The following LMBR1 variants were observed in gnomAD, a reference collection of about 807,000 sequenced individuals.
LMBR1 encodes limb region 1 protein homolog.
A neutral mutation model predicts 73.9 loss-of-function variants in LMBR1; 52 were observed. That is an observed-to-expected ratio of 0.70 (90% CI 0.56 to 0.89). The LOEUF (loss-of-function observed/expected upper bound fraction) is 0.89, where lower values mean the gene tolerates loss of function less well. LMBR1 is among the 40% of genes least tolerant of loss of function. The pLI is 0.00. For synonymous variants in LMBR1, 215 were observed against 209.4 expected (o/e 1.03, Z -0.23); for missense variants, 539 against 579.8 (o/e 0.93, Z 0.72).
chr7:156,733,296 T>C (rs1817213533), intron 10 of LMBR1, among the ~76,000 whole-genome samples: 1 of 152,086 alleles, frequency 6.6e-6, no homozygotes, highest in Non-Finnish European at 1.5e-5. Context: ...CCAGTGATTA[T>C]GAGGTAAAAA....
At chr7:156,752,395 G>T (rs1821069170) in intron 9 of LMBR1, among the ~76,000 whole-genome samples, 1 of 152,150 alleles carries the variant, frequency 6.6e-6, no homozygotes. Context: ...CTGATGGAAA[G>T]GATACAGTTG....
In LMBR1 at chr7:156,773,167, A is replaced by T. The variant is rs1032782006; in HGVS notation, c.424-9372T>A. Among the ~76,000 whole-genome samples, 5 of 152,336 alleles carry T rather than the reference A, an allele frequency of 3.3e-5. No homozygotes were observed. The East Asian group carries it at 7.7e-4, about 23-fold the overall frequency. ...AGGGAGGTGAAAGGTCTCTACAAGA[A>T]TTAAAAAACACTGCTCAAGGAAATC... is the stretch of plus-strand genomic sequence containing the variant. On this transcript the variant is annotated intron_variant, in intron 5 of 16. Coordinates refer to ENST00000353442, the MANE Select transcript of LMBR1 (RefSeq NM_022458.4).
At chr7:156,880,509 T>G (rs1438120878) in intron 1 of LMBR1, among the ~76,000 whole-genome samples, 2 of 150,790 alleles carry the variant, frequency 1.3e-5, no homozygotes, top group African/African-American at 4.9e-5. Context: ...ACAAAAAATT[T>G]AAAAATAAAA....
chr7:156,698,657 A>G (rs530749481), intron 15 of LMBR1, among the ~76,000 whole-genome samples: 2 of 152,318 alleles, frequency 1.3e-5, no homozygotes, highest in East Asian at 1.9e-4. Flanking sequence ...AGCAGCTGGG[A>G]CACAGGGCAC....
rs1195680939 is a variant in LMBR1 at position 156,683,755 on chromosome 7, T to C, written c.*323A>G. ...TCCCGGAGTTTGCCTTTTCTAACAT[T>C]TTCATATCAGGTGAAAACAATTTTT... On this transcript the variant is annotated 3_prime_UTR_variant, in exon 17 of 17. Coordinates refer to ENST00000353442, the MANE Select transcript of LMBR1 (RefSeq NM_022458.4). 1 of 213,588 alleles carries C rather than the reference T, an allele frequency of 4.7e-6. No individual in the cohort carries two copies. Among genetic ancestry groups the C allele is most frequent in the African/African-American group, 2.3e-5 (1 of 43,780 alleles). 13.2% of individuals were successfully genotyped at this position (213,588 alleles called of 1,614,324 possible).
chr7:156,836,013 TAG>T (rs1837585125), intron 2 of LMBR1, among the ~76,000 whole-genome samples: 1 of 152,230 alleles, frequency 6.6e-6, no homozygotes, highest in Non-Finnish European at 1.5e-5. Context: ...TCAGAATTTT[TAG>T]AGGTTATGGA....
chr7:156,858,720 A>C (rs897137887), intron 1 of LMBR1, among the ~76,000 whole-genome samples: 2 of 152,184 alleles, frequency 1.3e-5, no homozygotes, highest in Non-Finnish European at 2.9e-5. Flanking sequence ...ACCACAACCA[A>C]GTGGGAATTA....
intron 1 of LMBR1, among the ~76,000 whole-genome samples, chr7:156,873,672 C>A (rs1799693462): frequency 6.6e-6 from 1 of 152,122 alleles, no homozygotes; most frequent in Non-Finnish European, 1.5e-5. Flanking sequence ...TTCTCCAAGG[C>A]CCCACCAGAG....
chr7:156,732,961 T>A (rs1817133293), intron 10 of LMBR1, among the ~76,000 whole-genome samples: 1 of 152,084 alleles, frequency 6.6e-6, no homozygotes, highest in Non-Finnish European at 1.5e-5. Flanking sequence ...ATGGCCAACA[T>A]GGCAAAACCC....
At chr7:156,814,581 C>T (rs73166171) in intron 4 of LMBR1, among the ~76,000 whole-genome samples, 10,289 of 152,242 alleles carry the variant, frequency 0.068, 442 homozygotes, top group African/African-American at 0.11. Flanking sequence ...CTATAATGTA[C>T]TCTAACAAAA....
At chr7:156,807,933 T>C (rs988307911) in intron 4 of LMBR1, among the ~76,000 whole-genome samples, 3 of 152,184 alleles carry the variant, frequency 2.0e-5, no homozygotes, top group East Asian at 1.9e-4. Context: ...AGATTGTTTC[T>C]AGGTAAGTTT....
intron 8 of LMBR1, among the ~76,000 whole-genome samples, chr7:156,759,938 T>C (rs1208112610): frequency 6.6e-6 from 1 of 152,146 alleles, no homozygotes; most frequent in Non-Finnish European, 1.5e-5. Context: ...AGCAGGCATA[T>C]GAGCCAGAGT....
Position 156,670,985 on chromosome 7 carries a change from AATAAC to A in LMBR1, n.867-1703_867-1699del, listed in dbSNP as rs942002828. Among the ~76,000 whole-genome samples, 7 of 152,198 alleles carry A rather than the reference AATAAC, an allele frequency of 4.6e-5. No individual in the cohort carries two copies. The highest frequency in any genetic ancestry group is 1.7e-4 in the African/African-American group (7 of 41,442). On this transcript the variant is annotated intron_variant and non_coding_transcript_variant, in intron 4 of 4. Transcript: ENST00000430825. This position sits in a 1 kb window ranked among gnomAD's most constrained non-coding sequence, Gnocchi z 4.3. ...AAAGAGAGAGAGAGCTTATGACAAA[AATAAC>A]ATAAAGCAGGAGAGGAAAATTAAGT... is the stretch of plus-strand genomic sequence containing the variant.
intron 15 of LMBR1, among the ~76,000 whole-genome samples, chr7:156,710,322 A>G (rs1563185057): frequency 6.6e-6 from 1 of 152,248 alleles, no homozygotes; most frequent in Non-Finnish European, 1.5e-5. Flanking sequence ...TAGATATCAT[A>G]AAGAAAAAGC....
downstream of LMBR1, chr7:156,676,686 G>C (rs765014092): frequency 1.3e-6 from 2 of 1,561,098 alleles, no homozygotes; most frequent in Non-Finnish European, 1.8e-6. Context: ...AGGTAATTCT[G>C]AGGAAAAAAG....
At chr7:156,710,259 A>G (rs576231197) in intron 15 of LMBR1, among the ~76,000 whole-genome samples, 1 of 152,306 alleles carries the variant, frequency 6.6e-6, no homozygotes, top group African/African-American at 2.4e-5. Context: ...GTGAAAACCA[A>G]TTTAAAGAAA....
chr7:156,767,031 C>T (rs1172772830), intron 5 of LMBR1, among the ~76,000 whole-genome samples: 1 of 152,162 alleles, frequency 6.6e-6, no homozygotes, highest in Non-Finnish European at 1.5e-5. Context: ...TGAAACGCGC[C>T]TTGCTTAACG....
intron 5 of LMBR1, among the ~76,000 whole-genome samples, chr7:156,791,082 T>C (rs1829144160): frequency 6.6e-6 from 1 of 152,118 alleles, no homozygotes; most frequent in South Asian, 2.1e-4. Flanking sequence ...TTCTTGAAGG[T>C]GTTGGGAAAA....
In LMBR1 at chr7:156,851,942, T is replaced by C. The variant is rs148627999; in HGVS notation, c.67-15057A>G. ...TTCAGGAAAGCAATATGATGGCCTA[T>C]GTATGCACTCTGATTCAATACTGTT... On this transcript the variant is annotated intron_variant, in intron 1 of 16. Coordinates refer to ENST00000353442, the MANE Select transcript of LMBR1 (RefSeq NM_022458.4). Among the ~76,000 whole-genome samples, 17 of 152,332 alleles carry C rather than the reference T, an allele frequency of 1.1e-4. No individual in the cohort carries two copies. In the East Asian group the frequency reaches 3.1e-3, roughly 28 times the overall value.
Sources: allele counts gnomAD v4.1 joint callset (sites outside exome capture counted in the v4.1 genomes callset), GRCh38; gene constraint gnomAD v4.1.1; non-coding constraint Gnocchi (gnomAD v3.1); transcripts MANE v1.5; gene names NCBI Gene and HGNC (gene_info 2026-07-23, HGNC 2026-07-21).